The following PLEKHA5 variants were observed in gnomAD, a reference collection of about 807,000 sequenced individuals.
The protein encoded by PLEKHA5 is pleckstrin homology domain-containing family A member 5.
PLEKHA5 carries 55 observed loss-of-function variants against 181.9 expected under a neutral mutation model. That is an observed-to-expected ratio of 0.30 (90% CI 0.24 to 0.38). The LOEUF (loss-of-function observed/expected upper bound fraction) is 0.38, where lower values mean the gene tolerates loss of function less well. Ranked by LOEUF, PLEKHA5 falls within the 10% of genes least tolerant of loss-of-function variation. The pLI, the probability that PLEKHA5 is intolerant of heterozygous loss-of-function variation, is 1.00. For synonymous variants in PLEKHA5, 535 were observed against 529.4 expected (o/e 1.01, Z -0.15); for missense variants, 1,432 against 1,549.5 (o/e 0.92, Z 1.27).
chr12:19,262,003 C>A (rs750301119), intron 7 of PLEKHA5, among the ~76,000 whole-genome samples: 1 of 152,086 alleles, frequency 6.6e-6, no homozygotes, highest in Non-Finnish European at 1.5e-5. Flanking sequence ...AGAGATGTTC[C>A]TTAGGCTGCA....
chr12:19,190,057 A>G (rs936432667), intron 3 of PLEKHA5, among the ~76,000 whole-genome samples: 2 of 152,196 alleles, frequency 1.3e-5, no homozygotes, highest in African/African-American at 4.8e-5. Context: ...CTTGTGTCGT[A>G]TATTTTAAAA....
chr12:19,359,335 GAATT>G, intron 27 of PLEKHA5, 73 bp from the exon 28 acceptor site: 1 of 1,290,098 alleles, frequency 7.8e-7, no homozygotes, highest in East Asian at 2.3e-5. Context: ...TCTATTTTGA[GAATT>G]AACAGGCACT....
At chr12:19,154,924 A>T (rs1253518094) in intron 3 of PLEKHA5, among the ~76,000 whole-genome samples, 2 of 152,218 alleles carry the variant, frequency 1.3e-5, no homozygotes, top group Non-Finnish European at 2.9e-5. Flanking sequence ...TTAAAGCCAG[A>T]TAAGATTGAG....
chr12:19,288,913 G>A (rs886441973), intron 13 of PLEKHA5, among the ~76,000 whole-genome samples: 2 of 152,148 alleles, frequency 1.3e-5, no homozygotes, highest in East Asian at 3.8e-4. Context: ...TCTAAATAAA[G>A]TTATTGGTAT....
chr12:19,219,790 A>C (rs1285930720), intron 3 of PLEKHA5, among the ~76,000 whole-genome samples: 1 of 152,110 alleles, frequency 6.6e-6, no homozygotes, highest in Non-Finnish European at 1.5e-5. Flanking sequence ...AAAATAACTG[A>C]TACAAGATCT....
At chr12:19,359,923 G>A (rs892753254) in intron 28 of PLEKHA5, among the ~76,000 whole-genome samples, 6 of 151,536 alleles carry the variant, frequency 4.0e-5, no homozygotes, top group Middle Eastern at 3.4e-3. Context: ...CCGAGATCGC[G>A]CCACTACACT....
intron 20 of PLEKHA5, among the ~76,000 whole-genome samples, chr12:19,325,693 A>G: frequency 6.7e-6 from 1 of 150,006 alleles, no homozygotes; most frequent in Non-Finnish European, 1.5e-5. Flanking sequence ...GTCTCAAAAA[A>G]AAAAAAATAG....
chr12:19,270,687 T>C (rs1469835298), intron 10 of PLEKHA5, among the ~76,000 whole-genome samples: 3 of 152,180 alleles, frequency 2.0e-5, no homozygotes, highest in Non-Finnish European at 4.4e-5. Flanking sequence ...TTTTAAAAAA[T>C]ATATATTCCT....
intron 12 of PLEKHA5, among the ~76,000 whole-genome samples, chr12:19,285,058 G>A (rs985344243): frequency 6.6e-6 from 1 of 152,132 alleles, no homozygotes; most frequent in Admixed American, 6.5e-5. Flanking sequence ...CCATAAATAA[G>A]CATTTGTTAA....
intron 3 of PLEKHA5, chr12:19,201,393 A>T (rs2054153105): frequency 6.6e-6 from 1 of 152,104 alleles, no homozygotes; most frequent in African/African-American, 2.4e-5. Flanking sequence ...AGTAATAGAA[A>T]TATAAAATGT....
At chr12:19,256,305 C>T (rs994208614) in intron 5 of PLEKHA5, among the ~76,000 whole-genome samples, 11 of 152,044 alleles carry the variant, frequency 7.2e-5, no homozygotes, top group African/African-American at 2.2e-4. Context: ...AATAGGCATT[C>T]GGTTTATATA....
chr12:19,361,479 G>T (rs180923264), intron 28 of PLEKHA5, 103 bp from the exon 29 acceptor site: 1 of 672,492 alleles, frequency 1.5e-6, no homozygotes, highest in Non-Finnish European at 2.5e-6. Flanking sequence ...CATCACGCCC[G>T]ACCGTGATTG....
At chr12:19,269,608 A>T (rs551285703) in intron 8 of PLEKHA5, among the ~76,000 whole-genome samples, 162 bp from the exon 9 acceptor site, 4 of 152,074 alleles carry the variant, frequency 2.6e-5, no homozygotes, top group Non-Finnish European at 5.9e-5. Flanking sequence ...GTTAATAGTT[A>T]TATTTTTTCT....
At chr12:19,255,221 G>A (rs918432668) in intron 5 of PLEKHA5, 56 bp downstream of exon 5, 54 of 1,069,816 alleles carry the variant, frequency 5.0e-5, no homozygotes, top group Admixed American at 2.3e-4. Context: ...TATCTATACC[G>A]TTACTCATAA....
intron 11 of PLEKHA5, among the ~76,000 whole-genome samples, chr12:19,275,589 C>A (rs2074275755): frequency 6.6e-6 from 1 of 152,000 alleles, no homozygotes; most frequent in African/African-American, 2.4e-5. Flanking sequence ...CCTAGCAAGA[C>A]CCTATCTCTG....
rs768758114 is a variant in PLEKHA5 at position 19,320,045 on chromosome 12, A to C, written c.2143A>C (p.Ser715Arg). The C allele has an allele frequency of 8.1e-7, 1 of 1,230,868 alleles. No individual in the cohort carries two copies. The highest frequency in any genetic ancestry group is 1.4e-5 in the South Asian group (1 of 72,772). The allele number at this position is 1,230,868 out of a possible 1,614,324, so 76.2% of individuals were successfully genotyped here. A position where few individuals can be genotyped will look rare whatever the true frequency, so the allele number is the denominator to read the frequency against. ...QQFLRQKSKI[S>R]LYCLSQDEGR... is the part of the protein sequence containing the mutation. ...GTTCTTAAGACAGAAGAGCAAGATAAGTCTATATTGTGTATGTGTGTTTAT... is the reference window on the plus strand; with the variant it reads ...GTTCTTAAGACAGAAGAGCAAGATACGTCTATATTGTGTATGTGTGTTTAT... The change falls in exon 17 of 32, where the codon AGT becomes CGT. Residue 715 changes from serine to arginine, a missense_variant. Transcript: ENST00000429027.
rs1187666724 is a variant in PLEKHA5, at chr12:19,343,377, C to A, written c.2605C>A (p.Gln869Lys). 1.2e-6 allele frequency: 2 copies of A among 1,613,596 alleles called. No individual in the cohort carries two copies. Among genetic ancestry groups the A allele is most frequent in the Non-Finnish European group, 1.7e-6 (2 of 1,179,720 alleles). The change falls in exon 22 of 32, where the codon CAG becomes AAG. Residue 869 changes from glutamine to lysine, a missense_variant. This residue lies in a region of PLEKHA5 where 1,143 missense variants were observed against 1,168.4 expected (regional missense o/e 0.98). Coordinates refer to ENST00000429027, the MANE Select transcript of PLEKHA5 (RefSeq NM_001256470.2). ...AQIQKELWRI[Q>K]DVMEGLSKHK... is the part of the protein sequence containing the mutation. ...GATTCAGAAAGAACTTTGGCGAATT[C>A]AGGATGTCATGGAAGGGCTGAGTAA...
intron 20 of PLEKHA5, among the ~76,000 whole-genome samples, chr12:19,334,862 A>ATATATATATATATATATC (rs1565630250): frequency 1.9e-4 from 12 of 62,676 alleles, no homozygotes; most frequent in African/African-American, 5.7e-4. Context: ...ATATATATAT[A>ATATATATATATATATATC]TATATATCTC....
At chr12:19,301,734 G>A (rs911856385) in intron 15 of PLEKHA5, among the ~76,000 whole-genome samples, 3 of 152,142 alleles carry the variant, frequency 2.0e-5, no homozygotes, top group Non-Finnish European at 2.9e-5. Context: ...AGGAAAAAAC[G>A]TATGATAATT....
Sources: allele counts gnomAD v4.1 joint callset (sites outside exome capture counted in the v4.1 genomes callset), GRCh38; gene constraint gnomAD v4.1.1; regional missense constraint gnomAD v4.1.1; transcripts MANE v1.5; gene names NCBI Gene and HGNC (gene_info 2026-07-23, HGNC 2026-07-21).